PAM: variants seen among roughly 807,000 people sequenced by gnomAD.
The protein encoded by PAM is peptidylglycine alpha-amidating monooxygenase, also known as peptidyl-glycine alpha-amidating monooxygenase.
A neutral mutation model predicts 122.1 loss-of-function variants in PAM; 72 were observed. That is an observed-to-expected ratio of 0.59 (90% CI 0.49 to 0.72). PAM has a LOEUF of 0.72. PAM is among the 30% of genes least tolerant of loss of function. The pLI is 0.00. For synonymous variants in PAM, 389 were observed against 404.4 expected, an observed-to-expected ratio of 0.96 and a Z score of 0.46; for missense variants, 1,106 against 1,183.7, an observed-to-expected ratio of 0.93 and a Z score of 0.96.
chr5:102,950,416 G>GGGGTGTGTGTGTGTGTGTGTGTGTGT (rs372626572), intron 11 of PAM, among the ~76,000 whole-genome samples: 1 of 146,062 alleles, frequency 6.8e-6, no homozygotes, highest in African/African-American at 2.6e-5. Flanking sequence ...TATGTGGGTG[G>GGGGTGTGTGTGTGTGTGTGTGTGTGT]GTGTGTGTGT....
At chr5:102,766,793 T>G (rs1754077147) in intron 1 of PAM, among the ~76,000 whole-genome samples, 1 of 152,068 alleles carries the variant, frequency 6.6e-6, no homozygotes, top group Non-Finnish European at 1.5e-5. Context: ...TACTCATTAA[T>G]TTTTCCTCCA....
chr5:103,012,483 G>A (rs1780897571), intron 21 of PAM, among the ~76,000 whole-genome samples: 1 of 152,126 alleles, frequency 6.6e-6, no homozygotes, highest in Non-Finnish European at 1.5e-5. Context: ...TCTGCATGTG[G>A]ATATCCAGTT....
intron 16 of PAM, among the ~76,000 whole-genome samples, chr5:102,998,465 C>T (rs921790569): frequency 6.6e-6 from 1 of 152,060 alleles, no homozygotes; most frequent in Non-Finnish European, 1.5e-5. Context: ...AACTCACAAT[C>T]TACATATAAA....
At chr5:102,780,807 CTT>C (rs1758661020) in intron 1 of PAM, among the ~76,000 whole-genome samples, 2 of 141,772 alleles carry the variant, frequency 1.4e-5, no homozygotes, top group African/African-American at 2.7e-5. Flanking sequence ...TTCTTTCTTT[CTT>C]TCTTTCTTTC....
At chr5:102,787,752 A>G (rs948904694) in intron 1 of PAM, among the ~76,000 whole-genome samples, 1 of 152,030 alleles carries the variant, frequency 6.6e-6, no homozygotes, top group East Asian at 1.9e-4. Context: ...AAATCCAACC[A>G]ATTATAGAGC....
intron 1 of PAM, among the ~76,000 whole-genome samples, chr5:102,859,270 G>T (rs1009253061): frequency 6.6e-6 from 1 of 151,874 alleles, no homozygotes; most frequent in East Asian, 1.9e-4. Context: ...AAGACCTTCT[G>T]GTGGGACAAG....
intron 1 of PAM, among the ~76,000 whole-genome samples, chr5:102,843,446 A>G (rs1401650557): frequency 6.6e-6 from 1 of 152,198 alleles, no homozygotes; most frequent in Non-Finnish European, 1.5e-5. Context: ...TTTAGGACCT[A>G]TGGCTGGATA....
At chr5:102,956,490 C>A (rs920715407) in intron 12 of PAM, among the ~76,000 whole-genome samples, 3 of 151,966 alleles carry the variant, frequency 2.0e-5, no homozygotes, top group Non-Finnish European at 2.9e-5. Flanking sequence ...TTGTAGAGGA[C>A]AAAGAGTTAC....
At chr5:102,861,130 G>A (rs1784066374) in intron 1 of PAM, among the ~76,000 whole-genome samples, 1 of 152,208 alleles carries the variant, frequency 6.6e-6, no homozygotes, top group Non-Finnish European at 1.5e-5. Flanking sequence ...TCCCAGCCAT[G>A]TGAGCAAGCT....
chr5:102,874,865 A>G (rs993267527), intron 3 of PAM, among the ~76,000 whole-genome samples: 1 of 152,194 alleles, frequency 6.6e-6, no homozygotes, highest in African/African-American at 2.4e-5. Context: ...TCTGTGTTCA[A>G]GGCATTATTA....
chr5:102,960,619 T>G (rs1263338663), intron 13 of PAM, among the ~76,000 whole-genome samples: 1 of 151,952 alleles, frequency 6.6e-6, no homozygotes, highest in African/African-American at 2.4e-5. Context: ...GACTGTCACT[T>G]TTTAACTTAA....
At chr5:102,949,781 TACTC>T (rs1367752490) in intron 10 of PAM, 117 bp from the exon 11 acceptor site, 3 of 688,818 alleles carry the variant, frequency 4.4e-6, no homozygotes, top group Non-Finnish European at 7.7e-6. Context: ...TTTTTTAAGA[TACTC>T]AGTCTTTGCA....
At chr5:102,887,011 CT>C (rs1793326268) in intron 3 of PAM, among the ~76,000 whole-genome samples, 1 of 152,020 alleles carries the variant, frequency 6.6e-6, no homozygotes, top group African/African-American at 2.4e-5. Flanking sequence ...CTTGTTAGGA[CT>C]ATATTCTCAG....
At chr5:102,835,024 T>G (rs1561578447) in intron 1 of PAM, among the ~76,000 whole-genome samples, 1 of 152,126 alleles carries the variant, frequency 6.6e-6, no homozygotes, top group Non-Finnish European at 1.5e-5. Flanking sequence ...TGAATTCTTT[T>G]CCCCTTGTGG....
intron 7 of PAM, among the ~76,000 whole-genome samples, chr5:102,935,607 C>T (rs968576116): frequency 6.6e-5 from 10 of 151,990 alleles, no homozygotes; most frequent in African/African-American, 1.9e-4. Context: ...CCAAATCGCT[C>T]GACAGTTTTT....
intron 1 of PAM, among the ~76,000 whole-genome samples, chr5:102,766,926 ATTTTTTTTTTTTTTTTTTTT>A: frequency 3.9e-5 from 1 of 25,830 alleles, no homozygotes; most frequent in African/African-American, 1.4e-4. Flanking sequence ...TCAGTTGTGG[ATTTTTTTTTTTTTTTTTTTT>A]TTTTTTTTTT....
Position 102,826,869 on chromosome 5 carries a change from C to A in PAM, c.-373-38954C>A, listed in dbSNP as rs181428516. ...GAAGTAAAAATTAGCTGCTCCCCAC[C>A]TTTATTTTTCAATGATATTATTGAA... is the stretch of plus-strand genomic sequence containing the variant. On this transcript the variant is annotated intron_variant, in intron 1 of 25. Coordinates refer to ENST00000438793, the MANE Select transcript of PAM (RefSeq NM_001177306.2). Among the ~76,000 whole-genome samples the A allele has an allele frequency of 3.3e-3, 502 of 152,196 alleles. 2 individuals are homozygous for A. The highest frequency in any genetic ancestry group is 0.011 in the African/African-American group (454 of 41,520).
intron 16 of PAM, among the ~76,000 whole-genome samples, chr5:102,993,418 T>C (rs1350246633): frequency 3.3e-5 from 5 of 152,128 alleles, no homozygotes; most frequent in Non-Finnish European, 7.4e-5. Flanking sequence ...TGAGCTATGG[T>C]TGGGGTGTAC....
chr5:102,894,957 T>C (rs1795786788), intron 3 of PAM, among the ~76,000 whole-genome samples: 1 of 151,570 alleles, frequency 6.6e-6, no homozygotes, highest in Admixed American at 6.6e-5. Context: ...GCATCTTCAC[T>C]AACCTCATCT....
Sources: gnomAD v4.1 joint callset for allele counts (sites outside exome capture counted in the v4.1 genomes callset) on GRCh38, gnomAD v4.1.1 for gene constraint, MANE v1.5 for transcripts, NCBI Gene and HGNC (gene_info 2026-07-23, HGNC 2026-07-21) for gene names.